Variants in PDE1A observed in about 807,000 individuals in gnomAD.
The protein encoded by PDE1A is phosphodiesterase 1A, also known as dual specificity calcium/calmodulin-dependent 3',5'-cyclic nucleotide phosphodiesterase 1A.
Under a neutral mutation model 61.7 loss-of-function variants are expected in PDE1A, and 35 were observed. That is an observed-to-expected ratio of 0.57 (90% CI 0.43 to 0.75). PDE1A has a LOEUF of 0.75. PDE1A is among the 30% of genes least tolerant of loss of function. The probability of loss-of-function intolerance (pLI) is 0.00; values close to 1 mark genes in which losing one functional copy is unlikely to be tolerated. For synonymous variants in PDE1A, 232 were observed against 213.2 expected (o/e 1.09, Z -0.77); for missense variants, 597 against 630.6 (o/e 0.95, Z 0.57).
At chr2:182,221,078 C>T (rs1688684423) in intron 7 of PDE1A, among the ~76,000 whole-genome samples, 1 of 151,818 alleles carries the variant, frequency 6.6e-6, no homozygotes, top group East Asian at 1.9e-4. Flanking sequence ...CCCATCTACC[C>T]CTTCTTGTCC....
chr2:182,503,414 A>G (rs1364456769), intron 2 of PDE1A, among the ~76,000 whole-genome samples: 2 of 152,160 alleles, frequency 1.3e-5, no homozygotes, highest in Non-Finnish European at 1.5e-5. Context: ...ATCATGCAGG[A>G]AATAAAATCT....
At chr2:182,472,872 G>A (rs965050933) in intron 2 of PDE1A, among the ~76,000 whole-genome samples, 7 of 151,588 alleles carry the variant, frequency 4.6e-5, no homozygotes, top group African/African-American at 1.7e-4. Context: ...AGCCGGAGAA[G>A]AACTTCTTTA....
At chr2:182,367,990 A>C (rs1256048475) in intron 1 of PDE1A, among the ~76,000 whole-genome samples, 1 of 152,092 alleles carries the variant, frequency 6.6e-6, no homozygotes, top group Non-Finnish European at 1.5e-5. Flanking sequence ...GAAAATTTAA[A>C]ACACACACAA....
Position 182,488,598 on chromosome 2 carries a change from C to G in PDE1A, c.101+33678G>C, listed in dbSNP as rs2368294. Among the ~76,000 whole-genome samples the G allele has an allele frequency of 2.6e-3, 389 of 152,094 alleles. 4 individuals are homozygous for G. The highest frequency in any genetic ancestry group is 9.0e-3 in the African/African-American group (373 of 41,462). On this transcript the variant is annotated intron_variant, in intron 2 of 14. Transcript: ENST00000410103. The stretch of plus-strand genomic sequence containing the variant: ...TACTAAAACAATGATAAATACCTGT[C>G]TATCTACTGAAGCCTTCTGCAAAAT...
At chr2:182,374,457 A>C (rs1173595409) in intron 1 of PDE1A, among the ~76,000 whole-genome samples, 1 of 152,150 alleles carries the variant, frequency 6.6e-6, no homozygotes, top group Admixed American at 6.5e-5. Context: ...ACCATAAAAG[A>C]AAATTGATAA....
chr2:182,489,183 C>A (rs1298933397), intron 2 of PDE1A, among the ~76,000 whole-genome samples: 1 of 152,038 alleles, frequency 6.6e-6, no homozygotes, highest in Non-Finnish European at 1.5e-5. Context: ...CCAGGAAGAG[C>A]AAAGGGCAGA....
chr2:182,453,369 C>T (rs910685586), intron 2 of PDE1A, among the ~76,000 whole-genome samples: 7 of 151,710 alleles, frequency 4.6e-5, no homozygotes, highest in African/African-American at 1.7e-4. Flanking sequence ...ACTCCATAGC[C>T]AAATTGGACA....
the PDE1A span, among the ~76,000 whole-genome samples, chr2:182,535,934 T>G: frequency 0.71 from 107,380 of 152,118 alleles, 41,211 homozygotes; most frequent in East Asian, 0.99. Flanking sequence ...TTTCCTTTCT[T>G]ATTATAAACA....
the PDE1A span, among the ~76,000 whole-genome samples, chr2:182,638,120 T>C: frequency 6.6e-6 from 1 of 152,240 alleles, no homozygotes; most frequent in East Asian, 1.9e-4. Flanking sequence ...CAAATATTAA[T>C]TTCCTGTTCT....
intron 2 of PDE1A, among the ~76,000 whole-genome samples, chr2:182,436,677 C>CTATA (rs1425881722): frequency 6.6e-6 from 1 of 151,956 alleles, no homozygotes; most frequent in African/African-American, 2.4e-5. Flanking sequence ...GTGTCAGGTA[C>CTATA]TATACTTTAT....
chr2:182,649,641 C>T, the PDE1A span, among the ~76,000 whole-genome samples: 1 of 151,268 alleles, frequency 6.6e-6, no homozygotes, highest in African/African-American at 2.4e-5. Context: ...GATGGAGTCT[C>T]GCTTTTTCAC....
chr2:182,179,957 G>A (rs1194470750), intron 13 of PDE1A, among the ~76,000 whole-genome samples: 1 of 152,142 alleles, frequency 6.6e-6, no homozygotes, highest in Non-Finnish European at 1.5e-5. Context: ...ATATGATGAT[G>A]AGCAAACATC....
chr2:182,364,718 T>C (rs1220537767), intron 1 of PDE1A, among the ~76,000 whole-genome samples: 1 of 151,840 alleles, frequency 6.6e-6, no homozygotes, highest in African/African-American at 2.4e-5. Context: ...TTTTATAATT[T>C]TTAAAAAAAA....
intron 2 of PDE1A, among the ~76,000 whole-genome samples, chr2:182,454,644 A>G (rs1277198267): frequency 6.6e-6 from 1 of 151,714 alleles, no homozygotes; most frequent in Non-Finnish European, 1.5e-5. Context: ...TCTTTGACAA[A>G]CCTGACAAAA....
downstream of PDE1A, among the ~76,000 whole-genome samples, chr2:182,167,052 G>A (rs1691687917): frequency 2.6e-5 from 4 of 152,144 alleles, no homozygotes; most frequent in African/African-American, 9.6e-5. Context: ...AACCGTTCAT[G>A]TTCTGAGAGA....
chr2:182,519,422 GATAA>G (rs1251285939), intron 2 of PDE1A, among the ~76,000 whole-genome samples: 1 of 151,924 alleles, frequency 6.6e-6, no homozygotes, highest in Non-Finnish European at 1.5e-5. Context: ...TATGGAAAAA[GATAA>G]ATAAAAAGAT....
the PDE1A span, among the ~76,000 whole-genome samples, chr2:182,531,378 T>TTAAA: frequency 6.9e-6 from 1 of 145,416 alleles, no homozygotes; most frequent in South Asian, 2.2e-4. Context: ...AAAAAGGTAG[T>TTAAA]AAAAAAAAAA....
At chr2:182,486,770 C>A (rs1688050248) in intron 2 of PDE1A, among the ~76,000 whole-genome samples, 1 of 152,000 alleles carries the variant, frequency 6.6e-6, no homozygotes, top group East Asian at 1.9e-4. Context: ...AAACCATACA[C>A]AAAGATTAAC....
At chr2:182,700,497 G>T in the PDE1A span, among the ~76,000 whole-genome samples, 1 of 152,020 alleles carries the variant, frequency 6.6e-6, no homozygotes, top group Non-Finnish European at 1.5e-5. Flanking sequence ...GCTGAGGCGG[G>T]TGGCTCACAA....
Sources: allele counts gnomAD v4.1 joint callset (sites outside exome capture counted in the v4.1 genomes callset), GRCh38; gene constraint gnomAD v4.1.1; transcripts MANE v1.5; gene names NCBI Gene and HGNC (gene_info 2026-07-23, HGNC 2026-07-21).